The following LRP3 variants were observed in gnomAD, a reference collection of about 807,000 sequenced individuals.
The protein encoded by LRP3 is low-density lipoprotein receptor-related protein 3.
Under a neutral mutation model 58.5 loss-of-function variants are expected in LRP3, and 49 were observed. That is an observed-to-expected ratio of 0.84 (90% confidence interval 0.67 to 1.06). The LOEUF (loss-of-function observed/expected upper bound fraction) is 1.06, where lower values mean the gene tolerates loss of function less well. Among genes scored for constraint, LRP3 ranks in the 50% least tolerant of loss-of-function variants. The pLI, the probability that LRP3 is intolerant of heterozygous loss-of-function variation, is 0.00. For missense variants in LRP3, 1,019 were observed against 1,134.2 expected, an observed-to-expected ratio of 0.90 and a Z score of 1.46; for synonymous variants, 485 against 492.2, an observed-to-expected ratio of 0.99 and a Z score of 0.20.
At chr19:33,202,030 C>G (rs1974346391) in intron 2 of LRP3, among the ~76,000 whole-genome samples, 1 of 152,180 alleles carries the variant, frequency 6.6e-6, no homozygotes, top group Non-Finnish European at 1.5e-5. Context: ...GAAGCTGAGG[C>G]CCCCAGAGGC....
At position 33,206,586 on chromosome 19, in the gene LRP3, G is replaced by T; in HGVS notation, c.1593-15G>T. 1 of 1,604,866 alleles carries T rather than the reference G, an allele frequency of 6.2e-7. No individual in the cohort carries two copies. Among genetic ancestry groups the T allele is most frequent in the Non-Finnish European group, 8.5e-7 (1 of 1,175,308 alleles). Reference sequence around the variant, plus strand: ...GGGCAGCCCAGTCATGTCGCCCTCCGCCCACTGCTTCTAGGGCCTTCGAGA... The same window carrying T: ...GGGCAGCCCAGTCATGTCGCCCTCCTCCCACTGCTTCTAGGGCCTTCGAGA... On this transcript the variant is annotated splice_polypyrimidine_tract_variant and intron_variant, in intron 5 of 6. Transcript: ENST00000253193.
chr19:33,207,610 T>G lies in LRP3; in HGVS notation c.*35T>G. ...TCGCTGGTGACCGCCACAGCCCCGCTTTGTAACCAGGGAATACACAGTCAT... is the reference window on the plus strand; with the variant it reads ...TCGCTGGTGACCGCCACAGCCCCGCGTTGTAACCAGGGAATACACAGTCAT... On this transcript the variant is annotated 3_prime_UTR_variant, in exon 7 of 7. Transcript: ENST00000253193. 6.9e-7 allele frequency: 1 copy of G among 1,458,718 alleles called. No individual in the cohort carries two copies. The highest frequency in any genetic ancestry group is 9.5e-7 in the Non-Finnish European group (1 of 1,054,650). 90.4% of individuals were successfully genotyped at this position (1,458,718 alleles called of 1,614,324 possible).
intron 3 of LRP3, among the ~76,000 whole-genome samples, chr19:33,203,304 G>A (rs887301817): frequency 2.7e-5 from 4 of 150,256 alleles, no homozygotes; most frequent in Non-Finnish European, 4.4e-5. Context: ...GTGAACACAT[G>A]TAAGTAGGTG....
At chr19:33,194,958 C>T (rs1974270507) in intron 1 of LRP3, 100 bp downstream of exon 1, 2 of 545,664 alleles carry the variant, frequency 3.7e-6, no homozygotes, top group South Asian at 8.1e-5. Context: ...TCCCGAGCCC[C>T]CCACCGCGGT....
chr19:33,203,550 G>T (rs1568382448), intron 3 of LRP3, among the ~76,000 whole-genome samples: 1 of 152,258 alleles, frequency 6.6e-6, no homozygotes, highest in Non-Finnish European at 1.5e-5. Flanking sequence ...GTGAATGCAT[G>T]CACGCAAGTG....
In LRP3 at chr19:33,208,267, A is replaced by T. The variant is rs1001447432; in HGVS notation, c.*692A>T. 2 of 167,050 alleles carry T rather than the reference A, an allele frequency of 1.2e-5. 1 individual carries two copies. Among genetic ancestry groups the T allele is most frequent in the South Asian group, 2.9e-4 (2 of 6,908 alleles). The allele number at this position is 167,050 out of a possible 1,614,324, so 10.3% of individuals were successfully genotyped here. ...CAACAGCAGTGGCCACGTCTGTTCC[A>T]TCCTATCTCAGGGCCTCGGTTTCCC... On this transcript the variant is annotated 3_prime_UTR_variant, in exon 7 of 7. Transcript: ENST00000253193. The surrounding 1 kb of genome is among the most constrained non-coding windows in gnomAD (Gnocchi z 4.7).
At chr19:33,202,229 G>T (rs946679270) in intron 2 of LRP3, among the ~76,000 whole-genome samples, 2 of 152,236 alleles carry the variant, frequency 1.3e-5, no homozygotes, top group African/African-American at 4.8e-5. Flanking sequence ...GCCACAGCTG[G>T]ACTTTGCCAC....
intron 3 of LRP3, chr19:33,204,147 A>C (rs1974373112): frequency 6.0e-6 from 1 of 165,778 alleles, no homozygotes. Flanking sequence ...GGAGATGACA[A>C]GCTGTCAACC....
Position 33,194,822 on chromosome 19 carries a change from C to G in LRP3, c.37C>G (p.Pro13Ala). The G allele has an allele frequency of 9.2e-7, 1 of 1,090,470 alleles. No individual in the cohort carries two copies. The highest frequency in any genetic ancestry group is 5.4e-5 in the East Asian group (1 of 18,502). 67.5% of individuals were successfully genotyped at this position (1,090,470 alleles called of 1,614,324 possible). A position where few individuals can be genotyped will look rare whatever the true frequency, so the allele number is the denominator to read the frequency against. ...KRAAAGLEGA[P>A]GARAQLAVVC... ...CGCGGCCGCGGGGCTGGAGGGCGCG[C>G]CGGGCGCCCGGGCGCAGCTGGCCGT... Residue 13 changes from proline to alanine, a missense_variant, in exon 1 of 7, where the codon CCG (proline) becomes GCG (alanine). Physicochemically the swap from Pro to Ala is conservative, Grantham distance 27 (BLOSUM62 -1). Transcript: ENST00000253193.
rs748248242 is a variant in LRP3 at position 33,207,260 on chromosome 19, GC to G, written c.2004del (p.Ser669ValfsTer40). On this transcript the variant is annotated frameshift_variant, in exon 7 of 7. Coordinates refer to ENST00000253193, the MANE Select transcript of LRP3 (RefSeq NM_002333.4). LOFTEE classifies it low-confidence loss of function (END_TRUNC). Reference protein sequence around the residue: ...TGSTRAAGDRPPSAPGRAPEV... With the variant: ...TGSTRAAGDRXPSAPGRAPEV... ...GCAGCACCAGGGCGGCCGGAGACAG[GC>G]CCCCCAGTGCCCCCGGCCGTGCACC... 3.9e-6 allele frequency: 6 copies of G among 1,549,542 alleles called. No homozygotes were observed. The highest frequency in any genetic ancestry group is 1.2e-5 in the South Asian group (1 of 83,360).
At position 33,205,294 on chromosome 19, in the gene LRP3, A is replaced by T; in HGVS notation, c.524A>T (p.Asn175Ile). 6.2e-7 allele frequency: 1 copy of T among 1,611,340 alleles called. No individual in the cohort carries two copies. Among genetic ancestry groups the T allele is most frequent in the Non-Finnish European group, 8.5e-7 (1 of 1,179,304 alleles). Residue 175 changes from asparagine (N) to isoleucine (I), a missense_variant, in exon 5 of 7, where the codon AAC (asparagine) becomes ATC (isoleucine). By Grantham distance (149) the Asn-to-Ile change is moderately radical. This residue lies in a region of LRP3 where 592 missense variants were observed against 725.5 expected (regional missense o/e 0.82). Transcript: ENST00000253193. ...CAGGCAGATGAGTTCCGCTGTGACA[A>T]CGGCAAGTGCCTGCCCGGCCCGTGG... ...SCQADEFRCD[N>I]GKCLPGPWQC...
chr19:33,203,399 G>T (rs1177740246), intron 3 of LRP3, among the ~76,000 whole-genome samples: 3 of 152,196 alleles, frequency 2.0e-5, no homozygotes, highest in Non-Finnish European at 4.4e-5. Context: ...AAGACATAAA[G>T]GACACATGTG....
At chr19:33,200,645 C>T (rs924186122) in intron 2 of LRP3, among the ~76,000 whole-genome samples, 2 of 152,190 alleles carry the variant, frequency 1.3e-5, no homozygotes, top group Admixed American at 6.5e-5. Context: ...AGGCTGGGGC[C>T]GGGGCCACTT....
chr19:33,208,782 C>CT lies in LRP3; in HGVS notation c.*1213dup. On this transcript the variant is annotated 3_prime_UTR_variant, in exon 7 of 7. Transcript: ENST00000253193. The surrounding 1 kb of genome is among the most constrained non-coding windows in gnomAD (Gnocchi z 4.7). Reference sequence around the variant, plus strand: ...TTAAACAGGCTTCTGAGAGTCGTATCTTTTTTCTTTTTTTTCCAGAAAAAA... The same window carrying CT: ...TTAAACAGGCTTCTGAGAGTCGTATCTTTTTTTCTTTTTTTTCCAGAAAAAA... The CT allele has an allele frequency of 1.4e-6, 2 of 1,478,592 alleles. No individual in the cohort carries two copies. The highest frequency in any genetic ancestry group is 1.9e-6 in the Non-Finnish European group (2 of 1,073,902). The allele number at this position is 1,478,592 out of a possible 1,614,324, so 91.6% of individuals were successfully genotyped here.
chr19:33,203,609 C>G (rs1399590768), intron 3 of LRP3, among the ~76,000 whole-genome samples: 1 of 152,202 alleles, frequency 6.6e-6, no homozygotes, highest in Non-Finnish European at 1.5e-5. Context: ...GGTGCCCAAG[C>G]TGGACCTCTT....
In LRP3 at chr19:33,202,146, C is replaced by T. The variant is rs532190978; in HGVS notation, c.122-702C>T. The stretch of plus-strand genomic sequence containing the variant: ...ACCTGGTTCCGAGATCTACCTTTGG[C>T]GGCTTTGCACTTGTACTCAGGATAA... On this transcript the variant is annotated intron_variant, in intron 2 of 6. Transcript: ENST00000253193. Among the ~76,000 whole-genome samples, 56 of 152,342 alleles carry T rather than the reference C, an allele frequency of 3.7e-4. 1 individual carries two copies. The highest frequency in any genetic ancestry group is 2.3e-3 in the Admixed American group (35 of 15,306).
At position 33,207,147 on chromosome 19, in the gene LRP3, C is replaced by G. The variant is rs767591161; in HGVS notation, c.1885C>G (p.Arg629Gly). 6.5e-7 allele frequency: 1 copy of G among 1,535,392 alleles called. No individual in the cohort carries two copies. Among genetic ancestry groups the G allele is most frequent in the Non-Finnish European group, 8.7e-7 (1 of 1,144,608 alleles). The change falls in exon 7 of 7, where the codon CGC (arginine) becomes GGC (glycine). Residue 629 changes from arginine (R) to glycine (G), a missense_variant. Coordinates refer to ENST00000253193, the MANE Select transcript of LRP3 (RefSeq NM_002333.4). ...CCAGATCCCACTGCTGACCGCAGCA[C>G]GCCCCTCACAGACCGTGCTGGGCGA... ...RGQIPLLTAA[R>G]PSQTVLGDGF...
At chr19:33,197,236 C>T (rs866847659) in intron 2 of LRP3, among the ~76,000 whole-genome samples, 6 of 152,066 alleles carry the variant, frequency 3.9e-5, no homozygotes, top group South Asian at 2.1e-4. Flanking sequence ...GGACATGCCA[C>T]GCCATGCAGG....
chr19:33,204,435 C>CATTAAAAAA, intron 3 of LRP3: 2 of 607,500 alleles, frequency 3.3e-6, no homozygotes, highest in Non-Finnish European at 2.9e-6. Flanking sequence ...GCCTCCCGTG[C>CATTAAAAAA]ACACCTGGAT....
Sources: allele counts gnomAD v4.1 joint callset (sites outside exome capture counted in the v4.1 genomes callset), GRCh38; gene constraint gnomAD v4.1.1; regional missense constraint gnomAD v4.1.1; non-coding constraint Gnocchi (gnomAD v3.1); transcripts MANE v1.5; gene names NCBI Gene and HGNC (gene_info 2026-07-23, HGNC 2026-07-21).